The following FLT1 variants were observed in gnomAD, a reference collection of about 807,000 sequenced individuals.
FLT1 encodes vascular endothelial growth factor receptor 1.
A neutral mutation model predicts 156.3 loss-of-function variants in FLT1; 49 were observed. The observed-to-expected ratio is 0.31, with a 90% CI of 0.25 to 0.40. The LOEUF (loss-of-function observed/expected upper bound fraction) is 0.40, where lower values mean the gene tolerates loss of function less well. Among genes scored for constraint, FLT1 ranks in the 10% least tolerant of loss-of-function variants. The pLI is 1.00. For synonymous variants in FLT1, 594 were observed against 583.8 expected, an observed-to-expected ratio of 1.02 and a Z score of -0.25; for missense variants, 1,322 against 1,637.2, an observed-to-expected ratio of 0.81 and a Z score of 3.32.
intron 15 of FLT1, among the ~76,000 whole-genome samples, chr13:28,351,807 T>A (rs1872741830): frequency 1.3e-5 from 2 of 152,258 alleles, no homozygotes; most frequent in South Asian, 4.1e-4. Context: ...GGTGACCCAC[T>A]GGTTAAGTCC....
chr13:28,309,592 G>A (rs1177150114), intron 27 of FLT1, among the ~76,000 whole-genome samples: 1 of 152,134 alleles, frequency 6.6e-6, no homozygotes, highest in Non-Finnish European at 1.5e-5. Flanking sequence ...AGTGTCTTGG[G>A]CAAGCTCCCT....
chr13:28,436,871 C>A, intron 4 of FLT1, among the ~76,000 whole-genome samples: 1 of 152,258 alleles, frequency 6.6e-6, no homozygotes, highest in East Asian at 1.9e-4. Flanking sequence ...GTCATTACCC[C>A]CTTCCTCAGA....
At chr13:28,410,107 A>G (rs1287327578) in intron 10 of FLT1, among the ~76,000 whole-genome samples, 1 of 152,154 alleles carries the variant, frequency 6.6e-6, no homozygotes, top group Non-Finnish European at 1.5e-5. Flanking sequence ...TGCACACCCA[A>G]AGGTACCCCT....
chr13:28,353,580 A>C (rs1170595522), intron 15 of FLT1, among the ~76,000 whole-genome samples: 1 of 151,898 alleles, frequency 6.6e-6, no homozygotes, highest in African/African-American at 2.4e-5. Context: ...CTCAAAAAAA[A>C]AAAAAAAAAG....
At chr13:28,461,754 A>C (rs1270961754) in intron 3 of FLT1, among the ~76,000 whole-genome samples, 2 of 152,148 alleles carry the variant, frequency 1.3e-5, no homozygotes, top group African/African-American at 4.8e-5. Context: ...CATAATTATT[A>C]TTCTCTCCCA....
At chr13:28,307,844 T>C (rs922851594) in intron 28 of FLT1, among the ~76,000 whole-genome samples, 1 of 151,912 alleles carries the variant, frequency 6.6e-6, no homozygotes, top group Non-Finnish European at 1.5e-5. Context: ...CGATCTCGGC[T>C]CACTGCAACC....
intron 15 of FLT1, among the ~76,000 whole-genome samples, chr13:28,355,049 A>G (rs559512895): frequency 4.6e-4 from 70 of 152,314 alleles, no homozygotes; most frequent in African/African-American, 1.2e-3. Flanking sequence ...AATGGAGAAA[A>G]TAAAAATAAC....
chr13:28,345,308 G>T (rs1314007217), intron 16 of FLT1, 137 bp downstream of exon 16: 3 of 675,084 alleles, frequency 4.4e-6, no homozygotes, highest in Non-Finnish European at 2.7e-6. Flanking sequence ...TTCTTTCTGT[G>T]TTCACCAGGT....
intron 13 of FLT1, chr13:28,387,510 T>C: frequency 9.4e-7 from 1 of 1,061,128 alleles, no homozygotes; most frequent in Non-Finnish European, 1.1e-6. Flanking sequence ...TTAACAGACA[T>C]TTCTGCTGGT....
intron 14 of FLT1, 51 bp from the exon 15 acceptor site, chr13:28,357,736 A>AG: frequency 6.4e-7 from 1 of 1,559,414 alleles, no homozygotes; most frequent in Non-Finnish European, 8.8e-7. Flanking sequence ...CAAACAAAAA[A>AG]CAGCTACTTC....
At position 28,303,009 on chromosome 13, in the gene FLT1, CA is replaced by C. The variant is rs58778671; in HGVS notation, c.*157del. On this transcript the variant is annotated 3_prime_UTR_variant, in exon 30 of 30. Coordinates refer to ENST00000282397, the MANE Select transcript of FLT1 (RefSeq NM_002019.4). ...TATCTGGAGTTACATTCTTGTTAGT[CA>C]AAAAAAAAAAAGCACTATTAAAAAA... is the stretch of plus-strand genomic sequence containing the variant. The C allele has an allele frequency of 0.3, 135,758 of 447,730 alleles. 3,689 individuals carry two copies. Among genetic ancestry groups the C allele is most frequent in the African/African-American group, 0.43 (21,057 of 49,114 alleles). 27.7% of individuals were successfully genotyped at this position (447,730 alleles called of 1,614,324 possible). A position where few individuals can be genotyped will look rare whatever the true frequency, so the allele number is the denominator to read the frequency against.
At chr13:28,404,861 A>G (rs1326072298) in intron 11 of FLT1, among the ~76,000 whole-genome samples, 1 of 152,072 alleles carries the variant, frequency 6.6e-6, no homozygotes, top group Non-Finnish European at 1.5e-5. Flanking sequence ...CTCTACTAAA[A>G]ATACAAAAAT....
At chr13:28,488,851 C>G (rs1448436387) in intron 1 of FLT1, among the ~76,000 whole-genome samples, 1 of 152,194 alleles carries the variant, frequency 6.6e-6, no homozygotes, top group South Asian at 2.1e-4. Context: ...GTGGCCAGAC[C>G]TCTGTCATTC....
At chr13:28,427,122 GTA>G in intron 10 of FLT1, 35 bp downstream of exon 10, 1 of 1,585,066 alleles carries the variant, frequency 6.3e-7, no homozygotes, top group South Asian at 1.1e-5. Context: ...GTGTCAAAAA[GTA>G]TTTGAAAGTT....
Position 28,301,899 on chromosome 13 carries a change from C to T in FLT1, c.*1268G>A, listed in dbSNP as rs3829380. The T allele has an allele frequency of 4.3e-6, 1 of 233,446 alleles. No homozygotes were observed. Among genetic ancestry groups the T allele is most frequent in the Non-Finnish European group, 8.5e-6 (1 of 117,968 alleles). The allele number at this position is 233,446 out of a possible 1,614,324, so 14.5% of individuals were successfully genotyped here. On this transcript the variant is annotated 3_prime_UTR_variant, in exon 30 of 30. Coordinates refer to ENST00000282397, the MANE Select transcript of FLT1 (RefSeq NM_002019.4). ...ATACCTTGCATAAATTACATACCACCTTTTTACTCAAGGAGCTTAAAGTGC... is the reference window on the plus strand; with the variant it reads ...ATACCTTGCATAAATTACATACCACTTTTTTACTCAAGGAGCTTAAAGTGC...
At chr13:28,440,298 G>A (rs1208107952) in intron 3 of FLT1, among the ~76,000 whole-genome samples, 2 of 152,132 alleles carry the variant, frequency 1.3e-5, no homozygotes, top group Non-Finnish European at 2.9e-5. Context: ...ATCCAACCCC[G>A]TCCTTTTACA....
At chr13:28,482,213 G>A (rs1880895771) in intron 1 of FLT1, among the ~76,000 whole-genome samples, 1 of 152,126 alleles carries the variant, frequency 6.6e-6, no homozygotes, top group African/African-American at 2.4e-5. Context: ...CAACACTCTG[G>A]GAGGCCAAGG....
chr13:28,389,566 G>A (rs1212548783), intron 13 of FLT1: 4 of 1,437,806 alleles, frequency 2.8e-6, no homozygotes, highest in African/African-American at 2.9e-5. Context: ...CAGAGCTGGG[G>A]CCCGGGGGTC....
rs191811275 is a variant in FLT1 at position 28,494,832 on chromosome 13, G to A, written c.12C>T (p.Tyr4=). Residue 4 remains tyrosine, a synonymous_variant, in exon 1 of 30, where the codon TAC becomes TAT. Coordinates refer to ENST00000282397, the MANE Select transcript of FLT1 (RefSeq NM_002019.4). MVS[Y]WDTGVLLCAL... Reference sequence around the variant, plus strand: ...CGCACAGCAGGACCCCGGTGTCCCAGTAGCTGACCATGGTGAGCGCGACGC... The same window carrying A: ...CGCACAGCAGGACCCCGGTGTCCCAATAGCTGACCATGGTGAGCGCGACGC... 274 of 1,569,162 alleles carry A rather than the reference G, an allele frequency of 1.7e-4. No individual in the cohort carries two copies. In the African/African-American group the frequency reaches 3.2e-3, roughly 18 times the overall value.
Sources: allele counts gnomAD v4.1 joint callset (sites outside exome capture counted in the v4.1 genomes callset), GRCh38; gene constraint gnomAD v4.1.1; transcripts MANE v1.5; gene names NCBI Gene and HGNC (gene_info 2026-07-23, HGNC 2026-07-21).